Variants in MPP7 observed in about 807,000 individuals in gnomAD.
MPP7 encodes the protein MAGUK p55 subfamily member 7.
Under a neutral mutation model 76.5 loss-of-function variants are expected in MPP7, and 60 were observed. The ratio of observed to expected loss-of-function variants is 0.78; its 90% confidence interval spans 0.64 to 0.97. MPP7 has a LOEUF of 0.97. MPP7 is among the 50% of genes least tolerant of loss of function. The probability of loss-of-function intolerance (pLI) is 0.00; values close to 1 mark genes in which losing one functional copy is unlikely to be tolerated. For missense variants in MPP7, 641 were observed against 694.0 expected (o/e 0.92, Z 0.86); for synonymous variants, 237 against 244.5 (o/e 0.97, Z 0.29).
intron 1 of MPP7, among the ~76,000 whole-genome samples, chr10:28,302,602 G>A (rs1327501470): frequency 6.6e-6 from 1 of 151,726 alleles, no homozygotes; most frequent in East Asian, 2.0e-4. Context: ...GGAGTCCCGC[G>A]CGTCAACAGG....
intron 1 of MPP7, among the ~76,000 whole-genome samples, chr10:28,301,846 G>A (rs771368113): frequency 6.6e-6 from 1 of 152,144 alleles, no homozygotes; most frequent in Non-Finnish European, 1.5e-5. Flanking sequence ...TGACATTACC[G>A]CTAAAACTCA....
intron 3 of MPP7, among the ~76,000 whole-genome samples, chr10:28,201,314 A>G (rs1330456781): frequency 6.6e-6 from 1 of 152,186 alleles, no homozygotes; most frequent in African/African-American, 2.4e-5. Flanking sequence ...ATATCAATTA[A>G]AAGCCTCTTA....
At chr10:28,275,423 T>C (rs1182074559) in intron 1 of MPP7, among the ~76,000 whole-genome samples, 1 of 151,720 alleles carries the variant, frequency 6.6e-6, no homozygotes, top group Non-Finnish European at 1.5e-5. Flanking sequence ...TTTTTTTTTT[T>C]TCATACAGAG....
intron 2 of MPP7, among the ~76,000 whole-genome samples, chr10:28,318,022 G>A (rs1834338027): frequency 6.6e-6 from 1 of 152,150 alleles, no homozygotes; most frequent in African/African-American, 2.4e-5. Flanking sequence ...TGTTGTTCCG[G>A]GTGCCATCGC....
intron 15 of MPP7, chr10:28,057,814 G>C (rs1404826745): frequency 7.8e-7 from 1 of 1,283,786 alleles, no homozygotes; most frequent in Non-Finnish European, 1.0e-6. Flanking sequence ...TTGCACCCCA[G>C]GGTACAGCCA....
intron 3 of MPP7, among the ~76,000 whole-genome samples, chr10:28,175,115 C>T (rs751672871): frequency 6.6e-5 from 10 of 151,946 alleles, no homozygotes; most frequent in Non-Finnish European, 1.3e-4. Context: ...CATGGCAAAA[C>T]CCCATCTCTA....
chr10:28,238,527 G>A (rs1388198277), intron 2 of MPP7, 41 bp downstream of exon 2: 1 of 1,605,132 alleles, frequency 6.2e-7, no homozygotes, highest in Non-Finnish European at 8.5e-7. Flanking sequence ...CAAGATTTAA[G>A]CAAAGATGGA....
chr10:28,145,989 AT>A lies in MPP7; in HGVS notation c.315+1493del, dbSNP rs901165428. 6.6e-5 allele frequency among the ~76,000 whole-genome samples: 10 copies of A among 151,882 alleles called. No homozygotes were observed. The East Asian group carries it at 7.7e-4, about 12-fold the overall frequency. On this transcript the variant is annotated intron_variant, in intron 5 of 16. Coordinates refer to ENST00000683449, the MANE Select transcript of MPP7 (RefSeq NM_001318170.2). ...CTTGAACCAAATACCATAATCGGGG[AT>A]TTTTTTTGTCTGAAACATGCTGCTT...
At chr10:28,287,761 T>C (rs951865615) in intron 1 of MPP7, among the ~76,000 whole-genome samples, 10 of 152,216 alleles carry the variant, frequency 6.6e-5, no homozygotes, top group Non-Finnish European at 1.0e-4. Context: ...AATGGTATTA[T>C]AAAATGTGCT....
At position 28,053,469 on chromosome 10, in the gene MPP7, A is replaced by G. The variant is rs1438406034; in HGVS notation, c.*596T>C. 6.6e-6 allele frequency: 1 copy of G among 152,282 alleles called. No individual in the cohort carries two copies. The highest frequency in any genetic ancestry group is 1.9e-4 in the East Asian group (1 of 5,206). The allele number at this position is 152,282 out of a possible 1,614,324, so 9.4% of individuals were successfully genotyped here. ...CTTCTCAAGCTATATTATGAAGGCC[A>G]TTCACTCAAGGTAAAATTTCAGTTA... On this transcript the variant is annotated 3_prime_UTR_variant, in exon 17 of 17. Coordinates refer to ENST00000683449, the MANE Select transcript of MPP7 (RefSeq NM_001318170.2).
At chr10:28,237,675 C>T (rs1839122558) in intron 2 of MPP7, among the ~76,000 whole-genome samples, 1 of 152,162 alleles carries the variant, frequency 6.6e-6, no homozygotes, top group African/African-American at 2.4e-5. Flanking sequence ...AGACAGCCAC[C>T]TCAGCTGGTT....
At chr10:28,235,485 T>A (rs965545834) in intron 2 of MPP7, among the ~76,000 whole-genome samples, 3 of 152,068 alleles carry the variant, frequency 2.0e-5, no homozygotes, top group African/African-American at 7.2e-5. Flanking sequence ...ATATATGTAA[T>A]GCTGGATTAT....
At chr10:28,325,857 T>A (rs113875276) in intron 2 of MPP7, among the ~76,000 whole-genome samples, 1 of 151,530 alleles carries the variant, frequency 6.6e-6, no homozygotes, top group South Asian at 2.1e-4. Context: ...ACACCTATAG[T>A]CCCAGCTACT....
intron 12 of MPP7, among the ~76,000 whole-genome samples, chr10:28,075,032 C>G (rs1852421314): frequency 6.6e-6 from 1 of 151,744 alleles, no homozygotes; most frequent in African/African-American, 2.4e-5. Context: ...TCTGAGGAGG[C>G]CTTAGGAAAC....
intron 2 of MPP7, among the ~76,000 whole-genome samples, chr10:28,238,334 A>G (rs1157488784): frequency 6.6e-6 from 1 of 152,206 alleles, no homozygotes; most frequent in Non-Finnish European, 1.5e-5. Context: ...TAAAAGCAAG[A>G]CAGTATGAGA....
At chr10:28,221,909 G>A (rs1043827625) in intron 2 of MPP7, among the ~76,000 whole-genome samples, 1 of 152,092 alleles carries the variant, frequency 6.6e-6, no homozygotes, top group African/African-American at 2.4e-5. Flanking sequence ...ATAGTGCTAT[G>A]CTAGCTATTT....
At chr10:28,243,829 T>G (rs2132791274) in intron 1 of MPP7, among the ~76,000 whole-genome samples, 1 of 152,326 alleles carries the variant, frequency 6.6e-6, no homozygotes, top group Admixed American at 6.5e-5. Flanking sequence ...TTCACTCATG[T>G]TTTTGTTTTG....
At chr10:28,123,066 T>G (rs1337975856) in intron 8 of MPP7, among the ~76,000 whole-genome samples, 1 of 152,160 alleles carries the variant, frequency 6.6e-6, no homozygotes, top group Non-Finnish European at 1.5e-5. Flanking sequence ...CCTGATACCA[T>G]CTATGAAATG....
At chr10:28,215,709 T>C (rs139105194) in intron 2 of MPP7, among the ~76,000 whole-genome samples, 4 of 152,292 alleles carry the variant, frequency 2.6e-5, no homozygotes, top group Non-Finnish European at 5.9e-5. Context: ...GGCATATTGG[T>C]AAACATCTCT....
Sources: allele counts gnomAD v4.1 joint callset (sites outside exome capture counted in the v4.1 genomes callset), GRCh38; gene constraint gnomAD v4.1.1; transcripts MANE v1.5; gene names NCBI Gene and HGNC (gene_info 2026-07-23, HGNC 2026-07-21).